The following SPRED2 variants were observed in gnomAD, a reference collection of about 807,000 sequenced individuals.
The protein encoded by SPRED2 is sprouty related EVH1 domain containing 2.
Under a neutral mutation model 43.0 loss-of-function variants are expected in SPRED2, and 47 were observed. That is an observed-to-expected ratio of 1.09 (90% CI 0.87 to 1.40). The LOEUF (loss-of-function observed/expected upper bound fraction) is 1.40, where lower values mean the gene tolerates loss of function less well. Among genes scored for constraint, SPRED2 ranks in the 40% most tolerant of loss-of-function variants. The pLI, the probability that SPRED2 is intolerant of heterozygous loss-of-function variation, is 0.00. For synonymous variants in SPRED2, 225 were observed against 225.7 expected, an observed-to-expected ratio of 1.00 and a Z score of 0.03; for missense variants, 561 against 586.4, an observed-to-expected ratio of 0.96 and a Z score of 0.45.
chr2:65,311,506 A>G lies in SPRED2; in HGVS notation c.*1995T>C, dbSNP rs540698634. 5.9e-4 allele frequency: 579 copies of G among 985,756 alleles called. No individual in the cohort carries two copies. Among genetic ancestry groups the G allele is most frequent in the Non-Finnish European group, 6.8e-4 (566 of 829,950 alleles). The allele number at this position is 985,756 out of a possible 1,614,324, so 61.1% of individuals were successfully genotyped here. A position where few individuals can be genotyped will look rare whatever the true frequency, so the allele number is the denominator to read the frequency against. ...TGAACTGAGGTCTAAGGAAACGAAC[A>G]TTAGTGTTGTGCTTTGTAGAGAAGA... On this transcript the variant is annotated 3_prime_UTR_variant, in exon 6 of 6. Coordinates refer to ENST00000356388, the MANE Select transcript of SPRED2 (RefSeq NM_181784.3).
intron 1 of SPRED2, 95 bp from the exon 2 acceptor site, chr2:65,344,991 TTTTTG>T: frequency 3.1e-6 from 4 of 1,273,546 alleles, no homozygotes; most frequent in Non-Finnish European, 3.2e-6. Context: ...GCCAGCACTT[TTTTTG>T]TTTTATCGAA....
chr2:65,332,197 G>C, intron 3 of SPRED2, 146 bp from the exon 4 acceptor site: 1 of 516,582 alleles, frequency 1.9e-6, no homozygotes, highest in Non-Finnish European at 3.5e-6. Context: ...GGAATTGAGT[G>C]CTTTTAATTT....
At chr2:65,421,065 A>G (rs919589923) in intron 1 of SPRED2, among the ~76,000 whole-genome samples, 21 of 152,248 alleles carry the variant, frequency 1.4e-4, no homozygotes, top group Admixed American at 4.6e-4. Flanking sequence ...ACAGTCAGAC[A>G]TTACACATAC....
rs1285384296 is a variant in SPRED2 at position 65,432,331 on chromosome 2, G to A, written c.-344C>T. Reference sequence around the variant, plus strand: ...AAAACAAGCGCGCCTCGGAGCGGCAGGGACTGCTGCGAGGAGGAGGAGAGC... The same window carrying A: ...AAAACAAGCGCGCCTCGGAGCGGCAAGGACTGCTGCGAGGAGGAGGAGAGC... On this transcript the variant is annotated 5_prime_UTR_variant, in exon 1 of 6. Coordinates refer to ENST00000356388, the MANE Select transcript of SPRED2 (RefSeq NM_181784.3). Among the ~76,000 whole-genome samples the A allele has an allele frequency of 6.6e-6, 1 of 151,382 alleles. No individual in the cohort carries two copies. Among genetic ancestry groups the A allele is most frequent in the African/African-American group, 2.4e-5 (1 of 41,198 alleles).
At position 65,313,890 on chromosome 2, in the gene SPRED2, T is replaced by A. The variant is rs1172364621; in HGVS notation, c.868A>T (p.Thr290Ser). Residue 290 changes from threonine (T) to serine (S), a missense_variant, in exon 6 of 6, where the codon ACG becomes TCG. Coordinates refer to ENST00000356388, the MANE Select transcript of SPRED2 (RefSeq NM_181784.3). ...CGCGACTTGCCCCGGGAGGGCTGCGTCTTGATCACGCTGCCCCCGCGGCCT... is the reference window on the plus strand; with the variant it reads ...CGCGACTTGCCCCGGGAGGGCTGCGACTTGATCACGCTGCCCCCGCGGCCT... ...PKGRGGSVIK[T>S]QPSRGKSRRR... is the part of the protein sequence containing the mutation. The A allele has an allele frequency of 6.2e-7, 1 of 1,610,290 alleles. No homozygotes were observed. Among genetic ancestry groups the A allele is most frequent in the Non-Finnish European group, 8.5e-7 (1 of 1,179,858 alleles).
At chr2:65,345,163 C>G (rs1220396426) in intron 1 of SPRED2, among the ~76,000 whole-genome samples, 1 of 151,680 alleles carries the variant, frequency 6.6e-6, no homozygotes, top group Non-Finnish European at 1.5e-5. Flanking sequence ...CAATATTCTC[C>G]AGTTTCTAGG....
At chr2:65,360,453 C>T (rs1674781357) in intron 1 of SPRED2, among the ~76,000 whole-genome samples, 1 of 152,222 alleles carries the variant, frequency 6.6e-6, no homozygotes, top group African/African-American at 2.4e-5. Flanking sequence ...AACCTTAACA[C>T]CTGTGGTCCA....
intron 2 of SPRED2, chr2:65,344,151 A>AAC (rs1674270615): frequency 6.3e-6 from 1 of 157,776 alleles, no homozygotes; most frequent in African/African-American, 2.4e-5. Flanking sequence ...AAAAAAAAAA[A>AAC]AAAAAAAAAC....
chr2:65,317,853 T>C (rs1004914818), intron 4 of SPRED2, among the ~76,000 whole-genome samples: 2 of 152,044 alleles, frequency 1.3e-5, no homozygotes, highest in Admixed American at 6.5e-5. Flanking sequence ...GCCACCTCTG[T>C]GAAGGGGGAG....
chr2:65,365,263 T>G (rs113913714), intron 1 of SPRED2, among the ~76,000 whole-genome samples: 1 of 152,314 alleles, frequency 6.6e-6, no homozygotes, highest in Non-Finnish European at 1.5e-5. Context: ...AATGCAAAAT[T>G]AATGAAATTT....
At chr2:65,408,593 C>CTT (rs1290413650) in intron 1 of SPRED2, among the ~76,000 whole-genome samples, 3 of 144,034 alleles carry the variant, frequency 2.1e-5, no homozygotes, top group Non-Finnish European at 3.1e-5. Context: ...TTTTGAAGTT[C>CTT]TTTTTTTTTT....
chr2:65,425,776 AT>A (rs1470350677), intron 1 of SPRED2, among the ~76,000 whole-genome samples: 2 of 152,252 alleles, frequency 1.3e-5, no homozygotes, highest in Non-Finnish European at 2.9e-5. Flanking sequence ...TTAAATAGTA[AT>A]TTTTAAATAT....
intron 1 of SPRED2, among the ~76,000 whole-genome samples, chr2:65,381,419 T>G (rs1207754695): frequency 1.3e-5 from 2 of 152,194 alleles, no homozygotes; most frequent in Non-Finnish European, 2.9e-5. Context: ...GCCCACCAAT[T>G]TCTAGCTTGG....
At chr2:65,356,800 T>C (rs935755259) in intron 1 of SPRED2, among the ~76,000 whole-genome samples, 11 of 152,008 alleles carry the variant, frequency 7.2e-5, no homozygotes, top group Non-Finnish European at 1.5e-4. Flanking sequence ...CAGACCAACC[T>C]GGCCAACATG....
chr2:65,400,941 G>A (rs1326776039), intron 1 of SPRED2, among the ~76,000 whole-genome samples: 1 of 151,948 alleles, frequency 6.6e-6, no homozygotes, highest in Non-Finnish European at 1.5e-5. Context: ...GGCTTATACT[G>A]TTTTTATTCC....
intron 1 of SPRED2, among the ~76,000 whole-genome samples, chr2:65,410,030 G>GAA (rs778669871): frequency 1.9e-5 from 2 of 104,382 alleles, no homozygotes; most frequent in African/African-American, 3.6e-5. Context: ...CTCTGCCTCG[G>GAA]AAAAAAAAAA....
intron 1 of SPRED2, among the ~76,000 whole-genome samples, chr2:65,381,157 C>G (rs1348658551): frequency 6.6e-6 from 1 of 152,170 alleles, no homozygotes; most frequent in African/African-American, 2.4e-5. Context: ...CAAACCTCAC[C>G]AAGTTAGCCC....
chr2:65,373,431 T>G (rs1572878037), intron 1 of SPRED2, among the ~76,000 whole-genome samples: 1 of 152,120 alleles, frequency 6.6e-6, no homozygotes, highest in Non-Finnish European at 1.5e-5. Flanking sequence ...CACACCAAAC[T>G]CACACACCAG....
intron 1 of SPRED2, among the ~76,000 whole-genome samples, chr2:65,359,105 A>G (rs186362164): frequency 3.8e-4 from 58 of 152,320 alleles, no homozygotes; most frequent in African/African-American, 1.3e-3. Context: ...TAGGGTCACA[A>G]TGACTGTTGG....
Sources: allele counts gnomAD v4.1 joint callset (sites outside exome capture counted in the v4.1 genomes callset), GRCh38; gene constraint gnomAD v4.1.1; transcripts MANE v1.5; gene names NCBI Gene and HGNC (gene_info 2026-07-23, HGNC 2026-07-21).